Variants in TTLL7 observed in about 807,000 individuals in gnomAD.
The protein encoded by TTLL7 is tubulin polyglutamylase TTLL7.
In TTLL7, 53 loss-of-function variants were observed where a neutral mutation model predicts 120.2. That is an observed-to-expected ratio of 0.44 (90% CI 0.35 to 0.55). The LOEUF is 0.55. Ranked by LOEUF, TTLL7 falls within the 20% of genes least tolerant of loss-of-function variation. The pLI is 0.00. For missense variants in TTLL7, 803 were observed against 1,054.7 expected (o/e 0.76, Z 3.31); for synonymous variants, 353 against 351.7 (o/e 1.00, Z -0.04).
At chr1:83,918,665 T>C (rs1330942444) in intron 13 of TTLL7, among the ~76,000 whole-genome samples, 1 of 152,112 alleles carries the variant, frequency 6.6e-6, no homozygotes, top group Admixed American at 6.6e-5. Flanking sequence ...AGGAGAAATA[T>C]AACAGATAAT....
At chr1:83,918,504 T>C (rs1439768536) in intron 13 of TTLL7, among the ~76,000 whole-genome samples, 1 of 152,184 alleles carries the variant, frequency 6.6e-6, no homozygotes, top group Non-Finnish European at 1.5e-5. Flanking sequence ...TAAAGTAAGT[T>C]ACTCTTTGTC....
intron 18 of TTLL7, among the ~76,000 whole-genome samples, chr1:83,892,380 GAATATATATACGAATATATATGAACA>G (rs1557562865): frequency 3.6e-5 from 2 of 56,280 alleles, no homozygotes; most frequent in African/African-American, 9.2e-5. Context: ...GAATATATAT[GAATATATATACGAATATATATGAACA>G]TATATATGAA....
At chr1:83,987,864 T>C (rs1334961516) in intron 1 of TTLL7, among the ~76,000 whole-genome samples, 1 of 152,100 alleles carries the variant, frequency 6.6e-6, no homozygotes, top group African/African-American at 2.4e-5. Context: ...ATAACCCTAT[T>C]TGTTTATTTA....
chr1:83,895,111 T>C (rs1322243288), intron 18 of TTLL7, among the ~76,000 whole-genome samples: 1 of 152,136 alleles, frequency 6.6e-6, no homozygotes, highest in Non-Finnish European at 1.5e-5. Flanking sequence ...TATTGTTTGA[T>C]ATCTTAATGC....
At chr1:83,903,845 T>A (rs1012057512) in intron 18 of TTLL7, among the ~76,000 whole-genome samples, 2 of 152,094 alleles carry the variant, frequency 1.3e-5, no homozygotes, top group Non-Finnish European at 2.9e-5. Context: ...TTATTTATTA[T>A]CAGACATCTT....
In TTLL7 at chr1:83,890,402, A is replaced by C; in HGVS notation, c.2288T>G (p.Leu763Ter). 6.2e-7 allele frequency: 1 copy of C among 1,613,408 alleles called. No individual in the cohort carries two copies. Among genetic ancestry groups the C allele is most frequent in the Non-Finnish European group, 8.5e-7 (1 of 1,179,572 alleles). Residue 763 changes from leucine (L) to a stop codon, truncating the protein, a stop_gained, in exon 19 of 21, where the codon TTA becomes TGA. Coordinates refer to ENST00000260505, the MANE Select transcript of TTLL7 (RefSeq NM_024686.6). LOFTEE classifies it high-confidence loss of function. ...WKVPDVEEVN[L>*]YRIFNRVFNR... ...AAAAACCCGGTTGAAAATCCGATAT[A>C]AATTTACTTCTTCAACATCAGGCAC...
intron 6 of TTLL7, among the ~76,000 whole-genome samples, chr1:83,943,713 A>C (rs1411496725): frequency 1.3e-5 from 2 of 152,196 alleles, no homozygotes; most frequent in Non-Finnish European, 2.9e-5. Flanking sequence ...TAATACTGAA[A>C]ATGTTCGGAT....
Position 83,940,502 on chromosome 1 carries a change from A to C in TTLL7, c.723+1961T>G, listed in dbSNP as rs77535653. Among the ~76,000 whole-genome samples the C allele has an allele frequency of 5.6e-3, 857 of 152,270 alleles. 5 individuals carry two copies. Among genetic ancestry groups the C allele is most frequent in the African/African-American group, 0.02 (812 of 41,574 alleles). On this transcript the variant is annotated intron_variant, in intron 7 of 20. Coordinates refer to ENST00000260505, the MANE Select transcript of TTLL7 (RefSeq NM_024686.6). ...TACATCCGCTTTCCACAAAACCTTT[A>C]ATAGTTCCTGTATTCCCTTATCACA...
At chr1:83,884,857 AAAACTT>A (rs1385244257) in intron 19 of TTLL7, among the ~76,000 whole-genome samples, 1 of 151,918 alleles carries the variant, frequency 6.6e-6, no homozygotes, top group Non-Finnish European at 1.5e-5. Context: ...CATGTACCCT[AAAACTT>A]AAAGTATAAT....
At chr1:83,918,772 G>T (rs976300254) in intron 13 of TTLL7, among the ~76,000 whole-genome samples, 3 of 152,182 alleles carry the variant, frequency 2.0e-5, no homozygotes, top group East Asian at 1.9e-4. Flanking sequence ...GTAATGTAAA[G>T]AAACTAAATT....
At chr1:83,998,379 T>C (rs568741216) in intron 1 of TTLL7, among the ~76,000 whole-genome samples, 1 of 152,210 alleles carries the variant, frequency 6.6e-6, no homozygotes, top group Non-Finnish European at 1.5e-5. Context: ...GGGTATCTTT[T>C]ACATCAGTCG....
chr1:83,997,445 G>A (rs558567), intron 1 of TTLL7, among the ~76,000 whole-genome samples: 41,447 of 151,964 alleles, frequency 0.27, 7,151 homozygotes, highest in East Asian at 0.61. Context: ...GACTCTTAAC[G>A]GCAGGGTAAC....
chr1:83,994,035 A>G (rs2100653898), intron 1 of TTLL7, among the ~76,000 whole-genome samples: 1 of 152,338 alleles, frequency 6.6e-6, no homozygotes, highest in South Asian at 2.1e-4. Flanking sequence ...CCACCTTCTA[A>G]GAGCTTACAA....
In TTLL7 at chr1:83,913,628, A is replaced by C. The variant is rs1223909921; in HGVS notation, c.1588-2265T>G. 2.0e-5 allele frequency among the ~76,000 whole-genome samples: 3 copies of C among 152,202 alleles called. No individual in the cohort carries two copies. In the East Asian group the frequency reaches 5.8e-4, roughly 29 times the overall value. ...AAACAACATAAAATTAAAAGTTATA[A>C]AGATTCTTCTACTTCAGACTGATTA... On this transcript the variant is annotated intron_variant, in intron 14 of 20. Coordinates refer to ENST00000260505, the MANE Select transcript of TTLL7 (RefSeq NM_024686.6).
intron 3 of TTLL7, 121 bp from the exon 4 acceptor site, chr1:83,950,107 G>T: frequency 2.3e-6 from 2 of 864,112 alleles, no homozygotes; most frequent in Non-Finnish European, 3.4e-6. Context: ...ATTAGTTACA[G>T]CCTAACCTTA....
chr1:83,911,625 A>G (rs1281398086), intron 14 of TTLL7, among the ~76,000 whole-genome samples: 1 of 152,188 alleles, frequency 6.6e-6, no homozygotes, highest in Non-Finnish European at 1.5e-5. Flanking sequence ...GGGCCAGAGT[A>G]TCCATAAACA....
At chr1:83,888,609 A>G (rs1655168684) in intron 19 of TTLL7, among the ~76,000 whole-genome samples, 2 of 152,022 alleles carry the variant, frequency 1.3e-5, no homozygotes, top group African/African-American at 4.8e-5. Flanking sequence ...TACAGAGGGT[A>G]CAGAAGTTTG....
At chr1:83,925,461 G>C (rs1408730741) in intron 10 of TTLL7, among the ~76,000 whole-genome samples, 4 of 152,178 alleles carry the variant, frequency 2.6e-5, no homozygotes, top group Admixed American at 2.6e-4. Context: ...CAGAATGACA[G>C]AATGGAAGAT....
chr1:83,934,064 C>G (rs1379312077), intron 8 of TTLL7, among the ~76,000 whole-genome samples: 1 of 152,146 alleles, frequency 6.6e-6, no homozygotes, highest in Non-Finnish European at 1.5e-5. Context: ...CTTAGACATT[C>G]AGAGAGGCCT....
Sources: allele counts gnomAD v4.1 joint callset (sites outside exome capture counted in the v4.1 genomes callset), GRCh38; gene constraint gnomAD v4.1.1; transcripts MANE v1.5; gene names NCBI Gene and HGNC (gene_info 2026-07-23, HGNC 2026-07-21).